The following SLA variants were observed in gnomAD, a reference collection of about 807,000 sequenced individuals.
The protein encoded by SLA is Src like adaptor.
A neutral mutation model predicts 30.3 loss-of-function variants in SLA; 16 were observed. That is an observed-to-expected ratio of 0.53 (90% CI 0.36 to 0.80). The LOEUF is 0.80. Among genes scored for constraint, SLA ranks in the 30% least tolerant of loss-of-function variants. The pLI, the probability that SLA is intolerant of heterozygous loss-of-function variation, is 0.01. For missense variants in SLA, 310 were observed against 345.2 expected (o/e 0.90, Z 0.81); for synonymous variants, 143 against 137.8 (o/e 1.04, Z -0.26).
In SLA at chr8:133,050,775, C is replaced by G; in HGVS notation, c.161+41G>C. 3 of 1,286,916 alleles carry G rather than the reference C, an allele frequency of 2.3e-6. No homozygotes were observed. In the South Asian group the frequency reaches 3.5e-5, roughly 15 times the overall value. The allele number at this position is 1,286,916 out of a possible 1,614,324, so 79.7% of individuals were successfully genotyped here. A position where few individuals can be genotyped will look rare whatever the true frequency, so the allele number is the denominator to read the frequency against. The stretch of plus-strand genomic sequence containing the variant: ...TACTTTTCTCCCAAACCAAGTTTAT[C>G]CTGCTTTGAAGATTGCACAAGTTTT... On this transcript the variant is annotated intron_variant, in intron 4 of 8. Transcript: ENST00000338087.
chr8:133,090,535 C>T (rs887832310), intron 1 of SLA, among the ~76,000 whole-genome samples: 24 of 152,208 alleles, frequency 1.6e-4, no homozygotes, highest in African/African-American at 5.1e-4. Flanking sequence ...AGTCAGACAG[C>T]GCAAGGGACT....
intron 3 of SLA, among the ~76,000 whole-genome samples, chr8:133,053,997 G>C (rs1564124006): frequency 6.6e-6 from 1 of 152,166 alleles, no homozygotes; most frequent in Admixed American, 6.5e-5. Context: ...CACTGGGAAG[G>C]TATTACAGTT....
chr8:133,050,794 A>G (rs765446572), intron 4 of SLA, 22 bp downstream of exon 4: 1 of 1,469,562 alleles, frequency 6.8e-7, no homozygotes, highest in South Asian at 1.1e-5. Flanking sequence ...AAGATTGCAC[A>G]AGTTTTGGAG....
intron 1 of SLA, 28 bp downstream of exon 1, chr8:133,102,524 TC>T: frequency 1.3e-6 from 2 of 1,550,588 alleles, no homozygotes; most frequent in Non-Finnish European, 1.7e-6. Context: ...ACCCAGGGGG[TC>T]CCAATGACAG....
In SLA at chr8:133,038,109, T is replaced by A. The variant is rs2131043940; in HGVS notation, c.*415A>T. 5.6e-6 allele frequency: 1 copy of A among 178,462 alleles called. No homozygotes were observed. The highest frequency in any genetic ancestry group is 1.3e-4 in the South Asian group (1 of 7,964). 11.1% of individuals were successfully genotyped at this position (178,462 alleles called of 1,614,324 possible). ...CTGCCAGGACACAGCTTTTGTTTCC[T>A]CTCCCTCTCAGGCTTGCCCATACAG... On this transcript the variant is annotated 3_prime_UTR_variant, in exon 9 of 9. Coordinates refer to ENST00000338087, the MANE Select transcript of SLA (RefSeq NM_001045556.3).
At chr8:133,051,098 C>G (rs1469824999) in intron 3 of SLA, among the ~76,000 whole-genome samples, 183 bp from the exon 4 acceptor site, 1 of 152,156 alleles carries the variant, frequency 6.6e-6, no homozygotes, top group Non-Finnish European at 1.5e-5. Flanking sequence ...GGTGTGCGTA[C>G]GAGCCCTGAG....
At chr8:133,102,359 G>A (rs954979706) in intron 1 of SLA, 194 bp downstream of exon 1, 1 of 533,674 alleles carries the variant, frequency 1.9e-6, no homozygotes, top group Non-Finnish European at 3.4e-6. Context: ...GGACAGGAGT[G>A]GAGCCTCTTA....
chr8:133,081,578 G>GGAA (rs765338790), intron 1 of SLA, among the ~76,000 whole-genome samples: 13 of 143,296 alleles, frequency 9.1e-5, no homozygotes, highest in African/African-American at 2.1e-4. Flanking sequence ...ATTATTCTCA[G>GGAA]GAAGAAGAAG....
Position 133,038,487 on chromosome 8 carries a change from G to C in SLA, c.*37C>G. The C allele has an allele frequency of 1.3e-6, 2 of 1,493,360 alleles. No individual in the cohort carries two copies. The highest frequency in any genetic ancestry group is 1.1e-5 in the South Asian group (1 of 88,616). 92.5% of individuals were successfully genotyped at this position (1,493,360 alleles called of 1,614,324 possible). A position where few individuals can be genotyped will look rare whatever the true frequency, so the allele number is the denominator to read the frequency against. The stretch of plus-strand genomic sequence containing the variant: ...ATCCCAGGCAATAGTTGGAACTTCT[G>C]TTCCTTTTGGGCATGAACCATTGTG... On this transcript the variant is annotated 3_prime_UTR_variant, in exon 9 of 9. Coordinates refer to ENST00000338087, the MANE Select transcript of SLA (RefSeq NM_001045556.3).
intron 8 of SLA, among the ~76,000 whole-genome samples, chr8:133,039,415 A>G (rs1428625451): frequency 6.6e-6 from 1 of 152,196 alleles, no homozygotes; most frequent in South Asian, 2.1e-4. Flanking sequence ...CATGTCTCGC[A>G]TAATTTTGAT....
chr8:133,052,963 A>G (rs1313386233), intron 3 of SLA, among the ~76,000 whole-genome samples: 5 of 152,016 alleles, frequency 3.3e-5, no homozygotes, highest in Non-Finnish European at 7.4e-5. Context: ...ATCTTCCTGG[A>G]CTAATGGCCC....
intron 3 of SLA, among the ~76,000 whole-genome samples, chr8:133,054,920 C>T (rs894409118): frequency 1.3e-5 from 2 of 152,192 alleles, no homozygotes; most frequent in Non-Finnish European, 2.9e-5. Flanking sequence ...AGAACATTCT[C>T]AGTCACTCCC....
intron 1 of SLA, among the ~76,000 whole-genome samples, chr8:133,101,006 C>T (rs1056133939): frequency 2.0e-5 from 3 of 152,072 alleles, no homozygotes; most frequent in Non-Finnish European, 2.9e-5. Flanking sequence ...TACCGGGTGT[C>T]TCTAGGTCAG....
intron 1 of SLA, among the ~76,000 whole-genome samples, chr8:133,090,716 A>G (rs1261191404): frequency 6.6e-6 from 1 of 152,178 alleles, no homozygotes; most frequent in East Asian, 1.9e-4. Context: ...AGCTCTGTGA[A>G]CGCTGATCAT....
In SLA at chr8:133,040,129, C is replaced by T. The variant is rs1232487586; in HGVS notation, c.486G>A (p.Glu162=). Residue 162 remains glutamate, a splice_region_variant and synonymous_variant, in exon 8 of 9, where the codon GAG becomes GAA. Coordinates refer to ENST00000338087, the MANE Select transcript of SLA (RefSeq NM_001045556.3). The part of the protein sequence containing the change: ...CLEDLVNHYS[E]VADGLCCVLT... ...GCACACAGCACAGGCCATCAGCCAC[C>T]TCTGAGGAGGGAAGCAGACAGCCGG... 1 of 1,578,302 alleles carries T rather than the reference C, an allele frequency of 6.3e-7. No individual in the cohort carries two copies. Among genetic ancestry groups the T allele is most frequent in the Non-Finnish European group, 8.6e-7 (1 of 1,162,236 alleles).
intron 2 of SLA, chr8:133,064,057 C>G (rs1342941150): frequency 6.6e-6 from 1 of 152,164 alleles, no homozygotes; most frequent in African/African-American, 2.4e-5. Flanking sequence ...TTCTCCCTTT[C>G]CTTGGTGGTG....
rs189696164 is a variant in SLA at position 133,059,341 on chromosome 8, G to A, written c.61+759C>T. 1.1e-3 allele frequency: 380 copies of A among 356,958 alleles called. 1 individual carries two copies. The highest frequency in any genetic ancestry group is 7.6e-3 in the African/African-American group (358 of 46,838). 22.1% of individuals were successfully genotyped at this position (356,958 alleles called of 1,614,324 possible). ...TGGACTAGGAATCTGAGGAAATAAA[G>A]GTCAGGCCATTAGAAGGGGCCAGCA... is the stretch of plus-strand genomic sequence containing the variant. On this transcript the variant is annotated intron_variant, in intron 3 of 8. Transcript: ENST00000338087.
chr8:133,045,996 T>C (rs564393590), intron 6 of SLA, among the ~76,000 whole-genome samples: 3 of 152,342 alleles, frequency 2.0e-5, no homozygotes, highest in African/African-American at 7.2e-5. Flanking sequence ...TGAGTCATCT[T>C]TCTGGGTATC....
intron 8 of SLA, among the ~76,000 whole-genome samples, chr8:133,039,351 G>A (rs1227537553): frequency 6.6e-6 from 1 of 152,176 alleles, no homozygotes; most frequent in African/African-American, 2.4e-5. Flanking sequence ...ACTTCCAGCT[G>A]TAAATTTTAG....
Sources: allele counts gnomAD v4.1 joint callset (sites outside exome capture counted in the v4.1 genomes callset), GRCh38; gene constraint gnomAD v4.1.1; transcripts MANE v1.5; gene names NCBI Gene and HGNC (gene_info 2026-07-23, HGNC 2026-07-21).